CDYL: variants seen among roughly 807,000 people sequenced by gnomAD.
CDYL encodes the protein chromodomain Y-like protein.
Under a neutral mutation model 47.3 loss-of-function variants are expected in CDYL, and 8 were observed. That is an observed-to-expected ratio of 0.17 (90% CI 0.10 to 0.31). CDYL has a LOEUF of 0.31. Among genes scored for constraint, CDYL ranks in the 10% least tolerant of loss-of-function variants. CDYL has a pLI of 1.00. For missense variants in CDYL, 471 were observed against 701.4 expected, an observed-to-expected ratio of 0.67 and a Z score of 3.71; for synonymous variants, 266 against 265.0, an observed-to-expected ratio of 1.00 and a Z score of -0.04.
intron 1 of CDYL, among the ~76,000 whole-genome samples, chr6:4,842,174 A>G (rs1760519078): frequency 6.9e-6 from 1 of 144,448 alleles, no homozygotes; most frequent in South Asian, 2.1e-4. Context: ...ATTATATTAT[A>G]TAATAAATTA....
intron 1 of CDYL, among the ~76,000 whole-genome samples, chr6:4,793,485 G>T (rs1365861857): frequency 6.6e-6 from 1 of 152,190 alleles, no homozygotes; most frequent in African/African-American, 2.4e-5. Flanking sequence ...TGGCGGATGA[G>T]GTTGGGGGTA....
At chr6:4,722,652 A>C (rs1757393249) in intron 2 of CDYL, among the ~76,000 whole-genome samples, 1 of 152,176 alleles carries the variant, frequency 6.6e-6, no homozygotes, top group Non-Finnish European at 1.5e-5. Context: ...CATGGCAGGT[A>C]GATGGCTTGA....
intron 2 of CDYL, among the ~76,000 whole-genome samples, chr6:4,925,137 C>G (rs899660557): frequency 6.6e-6 from 1 of 152,154 alleles, no homozygotes; most frequent in Non-Finnish European, 1.5e-5. Context: ...GTATTCCTGC[C>G]TAGCCAGTTT....
At chr6:4,829,238 TTTG>T (rs774997338) in intron 1 of CDYL, among the ~76,000 whole-genome samples, 6 of 152,182 alleles carry the variant, frequency 3.9e-5, no homozygotes, top group Admixed American at 6.5e-5. Flanking sequence ...CTGGGATTTT[TTTG>T]TTGTTGTTGT....
At chr6:4,841,044 A>C (rs1305808830) in intron 1 of CDYL, among the ~76,000 whole-genome samples, 1 of 151,864 alleles carries the variant, frequency 6.6e-6, no homozygotes, top group Non-Finnish European at 1.5e-5. Context: ...CAGGTCCTGG[A>C]CTTTTTTTTG....
chr6:4,788,480 CAAAAAAAA>C (rs1220969716), intron 1 of CDYL, among the ~76,000 whole-genome samples: 1 of 61,064 alleles, frequency 1.6e-5, no homozygotes, highest in African/African-American at 7.4e-5. Flanking sequence ...GAGACTCTGT[CAAAAAAAA>C]AAAAAAAAAA....
chr6:4,944,954 G>A (rs1758467313), intron 5 of CDYL, among the ~76,000 whole-genome samples: 2 of 152,144 alleles, frequency 1.3e-5, no homozygotes, highest in South Asian at 4.1e-4. Flanking sequence ...CAGCAGCTCA[G>A]TCTCATCATG....
At position 4,826,850 on chromosome 6, in the gene CDYL, G is replaced by C. The variant is rs1331726833; in HGVS notation, c.24+50043G>C. Among the ~76,000 whole-genome samples the C allele has an allele frequency of 2.6e-5, 4 of 152,162 alleles. No individual in the cohort carries two copies. In the East Asian group the frequency reaches 7.7e-4, roughly 29 times the overall value. ...TTAGGTCTAGTTGGTTTATAGTGTT[G>C]TGCAAGTCCTGTTTTGATCTTCTAG... On this transcript the variant is annotated intron_variant, in intron 1 of 6. Transcript: ENST00000397588.
chr6:4,913,545 G>C lies in CDYL; in HGVS notation c.691+21166G>C, dbSNP rs186828310. Among the ~76,000 whole-genome samples, 493 of 152,334 alleles carry C rather than the reference G, an allele frequency of 3.2e-3. 1 individual carries two copies. The highest frequency in any genetic ancestry group is 0.011 in the African/African-American group (477 of 41,576). On this transcript the variant is annotated intron_variant, in intron 2 of 6. Coordinates refer to ENST00000397588, the MANE Select transcript of CDYL (RefSeq NM_004824.4). ...CTTTAAGCAGATAACAGAAAGCCTG[G>C]TTGCATGACTGGCAAACAATTTTAG...
chr6:4,836,355 C>A, intron 1 of CDYL: 1 of 679,594 alleles, frequency 1.5e-6, no homozygotes, highest in Non-Finnish European at 1.8e-6. Context: ...AGAATTCCAA[C>A]CCCCTAGAGG....
chr6:4,726,149 A>G (rs1757508859), intron 2 of CDYL, among the ~76,000 whole-genome samples: 2 of 152,154 alleles, frequency 1.3e-5, no homozygotes, highest in African/African-American at 4.8e-5. Context: ...ACGGTGGCTC[A>G]TGTCTGTAAT....
At chr6:4,878,293 C>A (rs1166108990) in intron 1 of CDYL, among the ~76,000 whole-genome samples, 3 of 151,960 alleles carry the variant, frequency 2.0e-5, no homozygotes, top group African/African-American at 7.2e-5. Context: ...GAAATGATTT[C>A]TATAAAATTG....
At chr6:4,874,280 A>G (rs1170253940) in intron 1 of CDYL, among the ~76,000 whole-genome samples, 3 of 152,136 alleles carry the variant, frequency 2.0e-5, no homozygotes, top group Non-Finnish European at 4.4e-5. Flanking sequence ...TTAATAAGCC[A>G]TAGCCTCTTA....
In CDYL at chr6:4,892,022, C is replaced by G. The variant is rs751253394; in HGVS notation, c.334C>G (p.Leu112Val). The change falls in exon 2 of 7, where the codon CTG (leucine) becomes GTG (valine). Residue 112 changes from leucine (L) to valine (V), a missense_variant. Leu to Val is a conservative substitution (Grantham distance 32). Around this residue, in one of 3 missense-constraint regions of CDYL, gnomAD observed 311 missense variants for 350.0 expected, o/e 0.89. Coordinates refer to ENST00000397588, the MANE Select transcript of CDYL (RefSeq NM_004824.4). Reference sequence around the variant, plus strand: ...AGACCACGAATCCAAAAACAGCCAGCTGTTTGCTGCCAGCCAGAAGTTCAG... The same window carrying G: ...AGACCACGAATCCAAAAACAGCCAGGTGTTTGCTGCCAGCCAGAAGTTCAG... ...GKDHESKNSQ[L>V]FAASQKFRKN... is the part of the protein sequence containing the mutation. 1.2e-5 allele frequency: 19 copies of G among 1,614,202 alleles called. No individual in the cohort carries two copies. The highest frequency in any genetic ancestry group is 1.4e-5 in the Non-Finnish European group (16 of 1,180,038).
At chr6:4,767,259 TAAA>T (rs35058381) in intron 3 of CDYL, among the ~76,000 whole-genome samples, 7,532 of 145,066 alleles carry the variant, frequency 0.052, 491 homozygotes, top group African/African-American at 0.15. Flanking sequence ...TCATTCATGA[TAAA>T]AAAAAAAAAA....
intron 3 of CDYL, among the ~76,000 whole-genome samples, chr6:4,746,391 C>A (rs1757899573): frequency 6.7e-6 from 1 of 150,140 alleles, no homozygotes; most frequent in Admixed American, 6.6e-5. Context: ...TTTAGTCTAG[C>A]TGCAGGGTAG....
chr6:4,845,837 G>A (rs967860406), intron 1 of CDYL, among the ~76,000 whole-genome samples: 4 of 152,142 alleles, frequency 2.6e-5, no homozygotes, highest in African/African-American at 9.7e-5. Context: ...GCCGAAACAG[G>A]TGGCAGGGTG....
chr6:4,795,371 T>A (rs1042030958), intron 1 of CDYL, among the ~76,000 whole-genome samples: 1 of 152,190 alleles, frequency 6.6e-6, no homozygotes, highest in African/African-American at 2.4e-5. Context: ...TAATCATTGT[T>A]ATAATTAGTC....
chr6:4,938,504 T>C (rs964844199), intron 4 of CDYL, among the ~76,000 whole-genome samples: 2 of 152,218 alleles, frequency 1.3e-5, no homozygotes, highest in Non-Finnish European at 2.9e-5. Context: ...ACATGGTGTA[T>C]TGAAACACGA....
Sources: gnomAD v4.1 joint callset for allele counts (sites outside exome capture counted in the v4.1 genomes callset) on GRCh38, gnomAD v4.1.1 for gene constraint, gnomAD v4.1.1 regional missense constraint, MANE v1.5 for transcripts, NCBI Gene and HGNC (gene_info 2026-07-23, HGNC 2026-07-21) for gene names.